Variants in GRIN2B observed in about 807,000 individuals in gnomAD.
The protein encoded by GRIN2B is glutamate ionotropic receptor NMDA type subunit 2B, also known as glutamate receptor ionotropic, NMDA 2B.
A neutral mutation model predicts 114.5 loss-of-function variants in GRIN2B; 5 were observed. The ratio of observed to expected loss-of-function variants is 0.04; its 90% CI spans 0.02 to 0.09. GRIN2B has a LOEUF of 0.09. GRIN2B is among the 10% of genes least tolerant of loss of function. GRIN2B has a pLI of 1.00. For synonymous variants in GRIN2B, 787 were observed against 745.1 expected (o/e 1.06, Z -0.92); for missense variants, 1,108 against 1,943.5 (o/e 0.57, Z 8.08).
intron 2 of GRIN2B, among the ~76,000 whole-genome samples, chr12:13,916,985 T>C (rs1004578111): frequency 6.6e-6 from 1 of 151,758 alleles, no homozygotes; most frequent in Admixed American, 6.6e-5. Context: ...CAGGCAAAGA[T>C]GGGGAAGAGA....
At chr12:13,731,111 G>C (rs1441824820) in intron 4 of GRIN2B, among the ~76,000 whole-genome samples, 1 of 152,106 alleles carries the variant, frequency 6.6e-6, no homozygotes, top group Non-Finnish European at 1.5e-5. Context: ...GCTTTTCTCA[G>C]CTGGGCCACT....
chr12:13,587,881 G>C (rs1948951672), intron 10 of GRIN2B, among the ~76,000 whole-genome samples: 1 of 152,116 alleles, frequency 6.6e-6, no homozygotes, highest in Non-Finnish European at 1.5e-5. Flanking sequence ...CACCTGTTTG[G>C]TTGGTGCAAA....
chr12:13,893,388 G>C (rs1477091109), intron 2 of GRIN2B, among the ~76,000 whole-genome samples: 1 of 152,012 alleles, frequency 6.6e-6, no homozygotes, highest in Admixed American at 6.6e-5. Flanking sequence ...TCCAAAAAAG[G>C]TTTTAATAAA....
At chr12:13,808,770 T>TATATATATATATATATATATAC in intron 3 of GRIN2B, among the ~76,000 whole-genome samples, 1 of 141,398 alleles carries the variant, frequency 7.1e-6, no homozygotes, top group East Asian at 2.0e-4. Context: ...TATATATATA[T>TATATATATATATATATATATAC]ACATATAAAA....
chr12:13,786,361 A>G (rs1359168904), intron 3 of GRIN2B, among the ~76,000 whole-genome samples: 2 of 152,084 alleles, frequency 1.3e-5, no homozygotes, highest in Non-Finnish European at 2.9e-5. Flanking sequence ...TATATACCCA[A>G]TTGTATTCAA....
intron 10 of GRIN2B, among the ~76,000 whole-genome samples, chr12:13,588,537 A>G (rs1051072024): frequency 7.2e-5 from 11 of 152,246 alleles, no homozygotes; most frequent in African/African-American, 2.4e-4. Flanking sequence ...AGAAGATATT[A>G]AAAGGATGAA....
chr12:13,600,308 T>A (rs1024252069), intron 10 of GRIN2B, among the ~76,000 whole-genome samples: 41 of 152,234 alleles, frequency 2.7e-4, no homozygotes, highest in African/African-American at 9.4e-4. Flanking sequence ...TCTACTAATA[T>A]CAGCAGAATG....
intron 4 of GRIN2B, among the ~76,000 whole-genome samples, chr12:13,740,984 T>C (rs1391401417): frequency 2.0e-5 from 3 of 152,306 alleles, no homozygotes; most frequent in Middle Eastern, 3.4e-3. Context: ...AGATGTGTCA[T>C]GGTCTAGTCT....
intron 2 of GRIN2B, among the ~76,000 whole-genome samples, chr12:13,916,441 A>T (rs1001175547): frequency 1.6e-4 from 25 of 152,274 alleles, no homozygotes; most frequent in African/African-American, 5.8e-4. Context: ...CATAACATTA[A>T]ATGTGTTGTG....
intron 3 of GRIN2B, among the ~76,000 whole-genome samples, chr12:13,781,201 T>C (rs1422729627): frequency 2.6e-5 from 4 of 152,170 alleles, no homozygotes; most frequent in African/African-American, 9.7e-5. Context: ...GTAGAAAGAA[T>C]AATGAAGGTG....
chr12:13,690,373 T>A lies in GRIN2B; in HGVS notation c.1011-14514A>T, dbSNP rs201429305. On this transcript the variant is annotated intron_variant, in intron 4 of 13. Transcript: ENST00000609686. ...TTTTTTGCCTCTCTCTCTCTCTCTCTCACACACACACACACACACACATGC... is the reference window on the plus strand; with the variant it reads ...TTTTTTGCCTCTCTCTCTCTCTCTCACACACACACACACACACACACATGC... 2.2e-3 allele frequency among the ~76,000 whole-genome samples: 310 copies of A among 143,302 alleles called. 3 individuals carry two copies. Among genetic ancestry groups the A allele is most frequent in the African/African-American group, 7.0e-3 (259 of 37,120 alleles). 94.0% of individuals were successfully genotyped at this position (143,302 alleles called of 152,430 possible). A position where few individuals can be genotyped will look rare whatever the true frequency, so the allele number is the denominator to read the frequency against.
At chr12:13,644,795 A>C (rs1199792375) in intron 5 of GRIN2B, among the ~76,000 whole-genome samples, 1 of 152,076 alleles carries the variant, frequency 6.6e-6, no homozygotes, top group African/African-American at 2.4e-5. Context: ...CTTTCCTTAA[A>C]CCTCATGAAG....
chr12:13,969,696 T>C (rs967976953), intron 2 of GRIN2B, among the ~76,000 whole-genome samples: 1 of 152,238 alleles, frequency 6.6e-6, no homozygotes, highest in Non-Finnish European at 1.5e-5. Flanking sequence ...CTCACTCCTT[T>C]TCCTAATCTC....
intron 3 of GRIN2B, among the ~76,000 whole-genome samples, chr12:13,835,006 G>A (rs1443140723): frequency 6.6e-6 from 1 of 152,142 alleles, no homozygotes; most frequent in East Asian, 1.9e-4. Context: ...TTCTCTAATT[G>A]GCCTTCATGT....
intron 3 of GRIN2B, among the ~76,000 whole-genome samples, chr12:13,864,415 G>A (rs1865792256): frequency 6.6e-6 from 1 of 152,184 alleles, no homozygotes; most frequent in Non-Finnish European, 1.5e-5. Flanking sequence ...CCGAAAGCAT[G>A]TCTTTTAAGT....
upstream of GRIN2B, chr12:13,981,770 G>A (rs1863142674): frequency 6.6e-6 from 1 of 152,136 alleles, no homozygotes; most frequent in African/African-American, 2.4e-5. Context: ...GAGAGCAGGA[G>A]GGGAGGAGGG....
chr12:13,765,746 T>C (rs1279473779), intron 3 of GRIN2B, among the ~76,000 whole-genome samples: 1 of 152,208 alleles, frequency 6.6e-6, no homozygotes, highest in Non-Finnish European at 1.5e-5. Flanking sequence ...ATTTTCTCCA[T>C]TTTACCAACA....
At chr12:13,741,038 A>ATTTAT (rs1008753666) in intron 4 of GRIN2B, among the ~76,000 whole-genome samples, 21 of 152,138 alleles carry the variant, frequency 1.4e-4, no homozygotes, top group African/African-American at 3.9e-4. Flanking sequence ...TAAACTATTT[A>ATTTAT]TTTATTTTAT....
intron 3 of GRIN2B, among the ~76,000 whole-genome samples, chr12:13,852,939 A>C (rs562561825): frequency 2.4e-4 from 36 of 152,282 alleles, no homozygotes; most frequent in African/African-American, 8.2e-4. Flanking sequence ...GCACCTCCTC[A>C]GCCTCAGCTA....
Sources: allele counts gnomAD v4.1 joint callset (sites outside exome capture counted in the v4.1 genomes callset), GRCh38; gene constraint gnomAD v4.1.1; transcripts MANE v1.5; gene names NCBI Gene and HGNC (gene_info 2026-07-23, HGNC 2026-07-21).